Variants in PIAS3 observed in about 807,000 individuals in gnomAD.
The protein encoded by PIAS3 is protein inhibitor of activated STAT 3, also known as E3 SUMO-protein ligase PIAS3.
In PIAS3, 34 loss-of-function variants were observed where a neutral mutation model predicts 67.6. The observed-to-expected ratio is 0.50, with a 90% CI of 0.38 to 0.67. The LOEUF (loss-of-function observed/expected upper bound fraction) is 0.67, where lower values mean the gene tolerates loss of function less well. Among genes scored for constraint, PIAS3 ranks in the 30% least tolerant of loss-of-function variants. The probability of loss-of-function intolerance (pLI) is 0.00; values close to 1 mark genes in which losing one functional copy is unlikely to be tolerated. For synonymous variants in PIAS3, 341 were observed against 313.8 expected, an observed-to-expected ratio of 1.09 and a Z score of -0.92; for missense variants, 693 against 791.6, an observed-to-expected ratio of 0.88 and a Z score of 1.49.
chr1:145,854,509 G>A lies in PIAS3; in HGVS notation c.859C>T (p.Gln287Ter), dbSNP rs1553735101. The A allele has an allele frequency of 1.2e-6, 2 of 1,614,178 alleles. No homozygotes were observed. ...CGGATACCCTTTGCTCTGAGTTTTT[G>A]TAGAAGGGTTCCTGCAGTCAACTGC... Reference protein sequence around the residue: ...VRQLTAGTLLQKLRAKGIRNP... With the variant: ...VRQLTAGTLL The change falls in exon 7 of 14, where the codon CAA becomes TAA. Residue 287 changes from glutamine (Q) to a stop codon, truncating the protein, a stop_gained. Coordinates refer to ENST00000393045, the MANE Select transcript of PIAS3 (RefSeq NM_006099.3). LOFTEE classifies it high-confidence loss of function.
rs782092260 is a variant in PIAS3 at position 145,854,581 on chromosome 1, G to A, written c.805-18C>T. ...GAGTAATTCTACTTGGAGGCAGGGG[G>A]TAGACAATTAGCCTCTGCTTCTCAT... On this transcript the variant is annotated intron_variant, in intron 6 of 13. Coordinates refer to ENST00000393045, the MANE Select transcript of PIAS3 (RefSeq NM_006099.3). The A allele has an allele frequency of 1.5e-5, 24 of 1,585,182 alleles. No individual in the cohort carries two copies. The East Asian group carries it at 5.1e-4, about 34-fold the overall frequency.
Position 145,849,717 on chromosome 1 carries a change from G to A in PIAS3, c.1621-5C>T, listed in dbSNP as rs1553733686. The A allele has an allele frequency of 1.9e-6, 3 of 1,578,120 alleles. No individual in the cohort carries two copies. The highest frequency in any genetic ancestry group is 1.2e-5 in the South Asian group (1 of 86,578). On this transcript the variant is annotated splice_polypyrimidine_tract_variant and splice_region_variant and intron_variant, in intron 13 of 13. Coordinates refer to ENST00000393045, the MANE Select transcript of PIAS3 (RefSeq NM_006099.3). The stretch of plus-strand genomic sequence containing the variant: ...GATGACAGAGGGGCCATAGTGCTAG[G>A]AAGAATCAAGGGCATAGTTTAAGAT...
chr1:145,858,113 G>A (rs1421466395), intron 1 of PIAS3, among the ~76,000 whole-genome samples: 2 of 152,060 alleles, frequency 1.3e-5, no homozygotes, highest in Non-Finnish European at 2.9e-5. Flanking sequence ...AGCAGGAGGG[G>A]AGCGCTCTCC....
rs186056428 is a variant in PIAS3, at chr1:145,856,138, G to T, written c.528-20C>A. The T allele has an allele frequency of 8.1e-5, 131 of 1,609,238 alleles. No individual in the cohort carries two copies. The Middle Eastern group carries it at 2.0e-3, about 24-fold the overall frequency. On this transcript the variant is annotated intron_variant, in intron 3 of 13. Coordinates refer to ENST00000393045, the MANE Select transcript of PIAS3 (RefSeq NM_006099.3). ...ACCTCTCTGTAACAGGGAGGGAGAT[G>T]AAGAGATGTCAGCATGTAGCCCCCA...
chr1:145,853,762 G>A, intron 8 of PIAS3, 51 bp downstream of exon 8: 2 of 1,608,546 alleles, frequency 1.2e-6, no homozygotes, highest in Non-Finnish European at 1.7e-6. Flanking sequence ...AAAGTCCACA[G>A]GCTAAACCCA....
chr1:145,852,643 T>A (rs1367829139), intron 9 of PIAS3, among the ~76,000 whole-genome samples: 1 of 151,496 alleles, frequency 6.6e-6, no homozygotes, highest in Non-Finnish European at 1.5e-5. Context: ...CAGGCTGGGG[T>A]GCAGTAATGC....
Position 145,848,720 on chromosome 1 carries a change from G to C in PIAS3, c.*726C>G, listed in dbSNP as rs921462447. ...AGGGCCATGAGCCTCTAGAAGCTTA[G>C]GGGGGAATAAGAAACACTGTGAACT... On this transcript the variant is annotated 3_prime_UTR_variant, in exon 14 of 14. Transcript: ENST00000393045. The C allele has an allele frequency of 1.6e-5, 6 of 364,228 alleles. No homozygotes were observed. Among genetic ancestry groups the C allele is most frequent in the Non-Finnish European group, 2.6e-5 (6 of 234,902 alleles). 22.6% of individuals were successfully genotyped at this position (364,228 alleles called of 1,614,324 possible). A position where few individuals can be genotyped will look rare whatever the true frequency, so the allele number is the denominator to read the frequency against.
chr1:145,854,288 TCAA>T (rs1407968828), intron 7 of PIAS3, 167 bp downstream of exon 7: 1 of 614,768 alleles, frequency 1.6e-6, no homozygotes, highest in African/African-American at 1.8e-5. Flanking sequence ...TGGTCCAACT[TCAA>T]CTATAAAGAC....
chr1:145,856,403 T>C lies in PIAS3; in HGVS notation c.471A>G (p.Glu157=), dbSNP rs1348833584. The change falls in exon 3 of 14, where the codon GAA becomes GAG. Residue 157 remains glutamate (E), a synonymous_variant. Coordinates refer to ENST00000393045, the MANE Select transcript of PIAS3 (RefSeq NM_006099.3). The part of the protein sequence containing the change: ...LASTSSQRFE[E]AHFTFALTPQ... ...GTGTGAGGGCAAAGGTAAAGTGCGCTTCCTCAAACCGCTGGCTAGAAGTGG... is the reference window on the plus strand; with the variant it reads ...GTGTGAGGGCAAAGGTAAAGTGCGCCTCCTCAAACCGCTGGCTAGAAGTGG... 1.8e-5 allele frequency: 29 copies of C among 1,614,000 alleles called. No homozygotes were observed. The highest frequency in any genetic ancestry group is 2.5e-5 in the Non-Finnish European group (29 of 1,180,012).
At position 145,856,986 on chromosome 1, in the gene PIAS3, C is replaced by T. The variant is rs1349464407; in HGVS notation, c.45G>A (p.Arg15=). The T allele has an allele frequency of 1.2e-6, 2 of 1,613,972 alleles. No individual in the cohort carries two copies. The highest frequency in any genetic ancestry group is 1.3e-5 in the African/African-American group (1 of 74,910). Residue 15 remains arginine (R), a synonymous_variant, in exon 2 of 14, where the codon CGG becomes CGA. Coordinates refer to ENST00000393045, the MANE Select transcript of PIAS3 (RefSeq NM_006099.3). The part of the protein sequence containing the change: ...GELKHMVMSF[R]VSELQVLLGF... ...CAAGAAGCACCTGGAGCTCAGACACCCGGAAACTCATCACCATGTGCTGTG... is the reference window on the plus strand; with the variant it reads ...CAAGAAGCACCTGGAGCTCAGACACTCGGAAACTCATCACCATGTGCTGTG...
chr1:145,854,854 C>T lies in PIAS3; in HGVS notation c.696G>A (p.Gly232=). The stretch of plus-strand genomic sequence containing the variant: ...GGCGGCTGGGCCTCTTGGGCTCGGC[C>T]CCATTCTTGGTTGGGGGAAGGTAAC... ...LPGYLPPTKN[G]AEPKRPSRPI... Residue 232 remains glycine (G), a synonymous_variant, in exon 6 of 14, where the codon GGG becomes GGA. Transcript: ENST00000393045. 6.2e-7 allele frequency: 1 copy of T among 1,614,082 alleles called. No homozygotes were observed. The highest frequency in any genetic ancestry group is 8.5e-7 in the Non-Finnish European group (1 of 1,180,012).
chr1:145,853,786 C>T (rs782282618), intron 8 of PIAS3, 27 bp downstream of exon 8: 3 of 1,611,932 alleles, frequency 1.9e-6, no homozygotes, highest in African/African-American at 2.7e-5. Flanking sequence ...CCCTTCCCAC[C>T]CTGTTCCCTT....
rs374724932 is a variant in PIAS3, at chr1:145,856,840, C to T, written c.191G>A (p.Arg64His). Residue 64 changes from arginine (R) to histidine (H), a missense_variant, in exon 2 of 14, where the codon CGC (arginine) becomes CAC (histidine). Physicochemically the swap from Arg to His is conservative, Grantham distance 29. Coordinates refer to ENST00000393045, the MANE Select transcript of PIAS3 (RefSeq NM_006099.3). ...QMKIKELYRRRFPRKTLGPSD... is the reference protein window; with the variant it reads ...QMKIKELYRRHFPRKTLGPSD... ...GGGCCCCAGGGTCTTCCGGGGAAAG[C>T]GTCGTCGGTAAAGCTCTTTGATCTT... 3 of 1,614,112 alleles carry T rather than the reference C, an allele frequency of 1.9e-6. No homozygotes were observed. The highest frequency in any genetic ancestry group is 2.2e-5 in the East Asian group (1 of 44,882).
rs782760224 is a variant in PIAS3, at chr1:145,853,634, G to A, written c.1015C>T (p.Arg339Cys). The A allele has an allele frequency of 3.1e-6, 5 of 1,613,962 alleles. No homozygotes were observed. The highest frequency in any genetic ancestry group is 1.1e-5 in the South Asian group (1 of 91,078). Residue 339 changes from arginine to cysteine, a missense_variant, in exon 9 of 14, where the codon CGT (arginine) becomes TGT (cysteine). Physicochemically the swap from Arg to Cys is radical, Grantham distance 180. Around this residue, in one of 3 missense-constraint regions of PIAS3, gnomAD observed 115 missense variants for 181.8 expected, o/e 0.63. Transcript: ENST00000393045. ...LGKMRLTVPC[R>C]ALTCAHLQSF... is the part of the protein sequence containing the mutation. ...TGCAGGTGGGCGCAGGTGAGGGCACGACAAGGGACAGTCAGGCGCATCTTC... is the reference window on the plus strand; with the variant it reads ...TGCAGGTGGGCGCAGGTGAGGGCACAACAAGGGACAGTCAGGCGCATCTTC...
rs1553736174 is a variant in PIAS3 at position 145,859,016 on chromosome 1, C to T, written c.-26G>A. On this transcript the variant is annotated 5_prime_UTR_variant, in exon 1 of 14. Transcript: ENST00000393045. ...CTTGAGACATCGCAGGCGCCCCAGCCGGAGCCGGAGCTCAGGCCCAGGGAC... is the reference window on the plus strand; with the variant it reads ...CTTGAGACATCGCAGGCGCCCCAGCTGGAGCCGGAGCTCAGGCCCAGGGAC... 5.2e-6 allele frequency: 8 copies of T among 1,542,636 alleles called. No homozygotes were observed. Among genetic ancestry groups the T allele is most frequent in the Middle Eastern group, 1.8e-4 (1 of 5,702 alleles).
Position 145,850,537 on chromosome 1 carries a change from T to A in PIAS3, c.1498A>T (p.Met500Leu). The stretch of plus-strand genomic sequence containing the variant: ...AGGAAATCCCCACCCAACGTGCCCA[T>A]AGCAGGGCTCCTTAGCACCGAGGAT... ...QPSSVLRSPA[M>L]GTLGGDFLSS... The change falls in exon 12 of 14, where the codon ATG (methionine) becomes TTG (leucine). Residue 500 changes from methionine to leucine, a missense_variant. Met to Leu is a conservative substitution (Grantham distance 15). This residue lies in a region of PIAS3 where 270 missense variants were observed against 261.0 expected (regional missense o/e 1.03). Transcript: ENST00000393045. The A allele has an allele frequency of 1.2e-6, 2 of 1,614,178 alleles. No individual in the cohort carries two copies. Among genetic ancestry groups the A allele is most frequent in the Non-Finnish European group, 1.7e-6 (2 of 1,180,024 alleles).
rs199543233 is a variant in PIAS3 at position 145,850,791 on chromosome 1, C to T, written c.1428G>A (p.Pro476=). Residue 476 remains proline (P), a synonymous_variant, in exon 11 of 14, where the codon CCG becomes CCA. Transcript: ENST00000393045. ...KHCSVTSAAI[P]ALPGSKGVLT... ...CATACCCTTTGCTTCCAGGTAGGGC[C>T]GGGATGGCAGCTGAGGTGACAGAAC... The T allele has an allele frequency of 2.0e-5, 32 of 1,614,172 alleles. No individual in the cohort carries two copies. The highest frequency in any genetic ancestry group is 1.7e-4 in the Admixed American group (10 of 60,026).
chr1:145,858,963 G>T lies in PIAS3; in HGVS notation c.24+4C>A. ...AGATGGGGATGGGGGGAGGGGGCCG[G>T]TACCTTTAATTCGCCCAGCTCCGCC... On this transcript the variant is annotated splice_donor_region_variant and intron_variant, in intron 1 of 13. Coordinates refer to ENST00000393045, the MANE Select transcript of PIAS3 (RefSeq NM_006099.3). 6.5e-7 allele frequency: 1 copy of T among 1,535,194 alleles called. No individual in the cohort carries two copies. Among genetic ancestry groups the T allele is most frequent in the Non-Finnish European group, 8.8e-7 (1 of 1,142,148 alleles).
rs1052787709 is a variant in PIAS3, at chr1:145,849,594, G to T, written c.1739C>A (p.Ser580Tyr). 6.2e-7 allele frequency: 1 copy of T among 1,613,178 alleles called. No homozygotes were observed. The highest frequency in any genetic ancestry group is 1.7e-5 in the Admixed American group (1 of 59,876). ...GGGCGCCGGAGTGGCGCTGCAGTGGGAGCTCCCCAGCGTGGGGGCCAGTGG... is the reference window on the plus strand; with the variant it reads ...GGGCGCCGGAGTGGCGCTGCAGTGGTAGCTCCCCAGCGTGGGGGCCAGTGG... ...LGPLAPTLGS[S>Y]HCSATPAPPP... is the part of the protein sequence containing the mutation. Residue 580 changes from serine (S) to tyrosine (Y), a missense_variant, in exon 14 of 14, where the codon TCC becomes TAC. Ser to Tyr is a moderately radical substitution (Grantham distance 144). Around this residue, in one of 3 missense-constraint regions of PIAS3, gnomAD observed 270 missense variants for 261.0 expected, o/e 1.03. Coordinates refer to ENST00000393045, the MANE Select transcript of PIAS3 (RefSeq NM_006099.3).
Sources: allele counts gnomAD v4.1 joint callset (sites outside exome capture counted in the v4.1 genomes callset), GRCh38; gene constraint gnomAD v4.1.1; regional missense constraint gnomAD v4.1.1; transcripts MANE v1.5; gene names NCBI Gene and HGNC (gene_info 2026-07-23, HGNC 2026-07-21).